UBE2K: variants seen among roughly 807,000 people sequenced by gnomAD.
UBE2K encodes the protein ubiquitin conjugating enzyme E2 K.
A neutral mutation model predicts 30.0 loss-of-function variants in UBE2K; 6 were observed. The observed-to-expected ratio is 0.20, with a 90% CI of 0.11 to 0.39. The LOEUF is 0.39. Among genes scored for constraint, UBE2K ranks in the 10% least tolerant of loss-of-function variants. The pLI, the probability that UBE2K is intolerant of heterozygous loss-of-function variation, is 1.00. For synonymous variants in UBE2K, 86 were observed against 83.7 expected, an observed-to-expected ratio of 1.03 and a Z score of -0.15; for missense variants, 61 against 241.6, an observed-to-expected ratio of 0.25 and a Z score of 4.96.
In UBE2K at chr4:39,717,902, C is replaced by T. The variant is rs1719180112; in HGVS notation, c.63+19512C>T. On this transcript the variant is annotated intron_variant, in intron 1 of 6. Transcript: ENST00000261427. ...TTAAGGCGGCGCGTCTGGAGTTGTT[C>T]GTTCCTCCCGGTGGGTTCGTGGTTT... Among the ~76,000 whole-genome samples, 3 of 145,030 alleles carry T rather than the reference C, an allele frequency of 2.1e-5. No individual in the cohort carries two copies. In the South Asian group the frequency reaches 6.4e-4, roughly 31 times the overall value.
At chr4:39,716,891 G>A (rs923941388) in intron 1 of UBE2K, among the ~76,000 whole-genome samples, 6 of 151,676 alleles carry the variant, frequency 4.0e-5, no homozygotes, top group African/African-American at 1.5e-4. Context: ...CCAGCTGCTT[G>A]GGAAGCCGAG....
intron 3 of UBE2K, among the ~76,000 whole-genome samples, chr4:39,752,879 T>C (rs1275891061): frequency 6.6e-6 from 1 of 152,074 alleles, no homozygotes; most frequent in Non-Finnish European, 1.5e-5. Flanking sequence ...GGCCAAGCAC[T>C]GTGGCCCACT....
In UBE2K at chr4:39,754,623, C is replaced by T. The variant is rs187202376; in HGVS notation, c.217-1034C>T. ...CTTTCAGATTCAAGTAATCCTCATG[C>T]CTCAGCTCCCTAGTAGCTGGGAGTA... On this transcript the variant is annotated intron_variant, in intron 3 of 6. Coordinates refer to ENST00000261427, the MANE Select transcript of UBE2K (RefSeq NM_005339.5). 2.8e-4 allele frequency among the ~76,000 whole-genome samples: 42 copies of T among 152,216 alleles called. No individual in the cohort carries two copies. In the East Asian group the frequency reaches 7.3e-3, roughly 27 times the overall value.
At chr4:39,756,651 G>C (rs765861805) in intron 4 of UBE2K, among the ~76,000 whole-genome samples, 2 of 152,054 alleles carry the variant, frequency 1.3e-5, no homozygotes, top group Non-Finnish European at 2.9e-5. Context: ...CAGGGTTCCT[G>C]TTGCCCAGGC....
Position 39,762,184 on chromosome 4 carries a change from A to AAATAATAAT in UBE2K, c.299+6463_299+6471dup, listed in dbSNP as rs138206643. 4.6e-3 allele frequency among the ~76,000 whole-genome samples: 661 copies of AAATAATAAT among 143,870 alleles called. 3 individuals carry two copies. Among genetic ancestry groups the AAATAATAAT allele is most frequent in the Non-Finnish European group, 6.2e-3 (409 of 66,238 alleles). The allele number at this position is 143,870 out of a possible 152,430, so 94.4% of individuals were successfully genotyped here. ...ACAGAGCGAGACTCCCATCTCAGTAAAATAATAATAATAATAATAATAATA... is the reference window on the plus strand; with the variant it reads ...ACAGAGCGAGACTCCCATCTCAGTAAAATAATAATAATAATAATAATAATAATAATAATA... On this transcript the variant is annotated intron_variant, in intron 4 of 6. Coordinates refer to ENST00000261427, the MANE Select transcript of UBE2K (RefSeq NM_005339.5).
At chr4:39,712,780 A>G (rs1718782728) in intron 1 of UBE2K, among the ~76,000 whole-genome samples, 1 of 150,290 alleles carries the variant, frequency 6.7e-6, no homozygotes, top group Non-Finnish European at 1.5e-5. Context: ...GTTTATTCTA[A>G]TTTTTACTTC....
intron 3 of UBE2K, among the ~76,000 whole-genome samples, chr4:39,750,598 T>G (rs946490247): frequency 3.3e-5 from 5 of 152,186 alleles, no homozygotes; most frequent in African/African-American, 1.2e-4. Context: ...CTTGCTACAT[T>G]GCCCAGGCTG....
At chr4:39,766,232 T>C (rs1712329834) in intron 4 of UBE2K, among the ~76,000 whole-genome samples, 2 of 152,092 alleles carry the variant, frequency 1.3e-5, no homozygotes, top group South Asian at 4.1e-4. Flanking sequence ...CCCATAGAGT[T>C]TTCACCATTT....
chr4:39,721,815 A>G (rs571144746), intron 1 of UBE2K, among the ~76,000 whole-genome samples: 3 of 152,198 alleles, frequency 2.0e-5, no homozygotes, highest in South Asian at 2.1e-4. Flanking sequence ...TTGGTTGGGC[A>G]TGGTGGCTCA....
At chr4:39,771,667 T>TCGCG (rs755443344) in intron 4 of UBE2K, among the ~76,000 whole-genome samples, 1 of 151,996 alleles carries the variant, frequency 6.6e-6, no homozygotes, top group African/African-American at 2.4e-5. Flanking sequence ...GTTCCAGGCC[T>TCGCG]CGCGCGCGCG....
chr4:39,720,408 T>C (rs895387288), intron 1 of UBE2K, among the ~76,000 whole-genome samples: 9 of 152,200 alleles, frequency 5.9e-5, no homozygotes, highest in African/African-American at 2.2e-4. Flanking sequence ...TTCAATTCTT[T>C]AGTGTAACTT....
At position 39,737,396 on chromosome 4, in the gene UBE2K, A is replaced by G. The variant is rs1720438012; in HGVS notation, c.64-24A>G. Reference sequence around the variant, plus strand: ...CGTTTTTCTTGCTGACATAACTAACATTTATTTTCTGTTTATTTTTAAGAC... The same window carrying G: ...CGTTTTTCTTGCTGACATAACTAACGTTTATTTTCTGTTTATTTTTAAGAC... On this transcript the variant is annotated intron_variant, in intron 1 of 6. Transcript: ENST00000261427. 2.7e-6 allele frequency: 4 copies of G among 1,454,730 alleles called. No individual in the cohort carries two copies. In the South Asian group the frequency reaches 4.2e-5, roughly 15 times the overall value. The allele number at this position is 1,454,730 out of a possible 1,614,324, so 90.1% of individuals were successfully genotyped here. A position where few individuals can be genotyped will look rare whatever the true frequency, so the allele number is the denominator to read the frequency against.
intron 1 of UBE2K, chr4:39,713,989 A>G (rs1718863280): frequency 6.6e-6 from 1 of 152,170 alleles, no homozygotes; most frequent in African/African-American, 2.4e-5. Flanking sequence ...TCCTGGGCTC[A>G]AGTGATCTTC....
intron 4 of UBE2K, among the ~76,000 whole-genome samples, chr4:39,757,387 A>G (rs1711559351): frequency 6.6e-6 from 1 of 152,212 alleles, no homozygotes; most frequent in Non-Finnish European, 1.5e-5. Flanking sequence ...AGAAAATCAA[A>G]TAGGAATGAC....
At chr4:39,705,049 GT>G (rs577446193) in intron 1 of UBE2K, among the ~76,000 whole-genome samples, 2 of 146,834 alleles carry the variant, frequency 1.4e-5, no homozygotes, top group African/African-American at 2.5e-5. Context: ...GTTTTTTTTT[GT>G]TTTTTTTTGT....
rs751312791 is a variant in UBE2K, at chr4:39,752,311, A to AT, written c.217-3333dup. ...AGGCGCCCGCCATCACGCCTGGCTA[A>AT]TTTTTTTTTTTTTCTTTTTTTTTCT... On this transcript the variant is annotated intron_variant, in intron 3 of 6. Transcript: ENST00000261427. Among the ~76,000 whole-genome samples the AT allele has an allele frequency of 9.4e-4, 112 of 118,528 alleles. 4 individuals carry two copies. The highest frequency in any genetic ancestry group is 2.9e-3 in the Admixed American group (32 of 11,214). 77.8% of individuals were successfully genotyped at this position (118,528 alleles called of 152,430 possible).
intron 4 of UBE2K, among the ~76,000 whole-genome samples, chr4:39,767,236 A>G (rs1712398745): frequency 6.7e-6 from 1 of 148,910 alleles, no homozygotes; most frequent in South Asian, 2.1e-4. Context: ...TAATTTTTAT[A>G]TATGGTATAA....
chr4:39,718,849 G>A (rs899096192), intron 1 of UBE2K, among the ~76,000 whole-genome samples: 11 of 152,238 alleles, frequency 7.2e-5, no homozygotes, highest in African/African-American at 2.4e-4. Context: ...GCCTGCAAAC[G>A]CCGTGCGCAG....
intron 4 of UBE2K, among the ~76,000 whole-genome samples, chr4:39,773,800 T>A (rs796966002): frequency 5.0e-4 from 74 of 148,010 alleles, no homozygotes; most frequent in Admixed American, 1.0e-3. Flanking sequence ...GGGCGCCTGT[T>A]GTCCCAGCTA....
Sources: allele counts gnomAD v4.1 joint callset (sites outside exome capture counted in the v4.1 genomes callset), GRCh38; gene constraint gnomAD v4.1.1; transcripts MANE v1.5; gene names NCBI Gene and HGNC (gene_info 2026-07-23, HGNC 2026-07-21).